The following TEX2 variants were observed in gnomAD, a reference collection of about 807,000 sequenced individuals.
The protein encoded by TEX2 is testis expressed 2.
Under a neutral mutation model 106.9 loss-of-function variants are expected in TEX2, and 53 were observed. The ratio of observed to expected loss-of-function variants is 0.50; its 90% confidence interval spans 0.40 to 0.62. TEX2 has a LOEUF of 0.62. Ranked by LOEUF, TEX2 falls within the 20% of genes least tolerant of loss-of-function variation. TEX2 has a pLI of 0.00. For synonymous variants in TEX2, 523 were observed against 534.8 expected, an observed-to-expected ratio of 0.98 and a Z score of 0.30; for missense variants, 1,207 against 1,379.0, an observed-to-expected ratio of 0.88 and a Z score of 1.98.
rs1390149786 is a variant in TEX2 at position 64,205,218 on chromosome 17, G to A, written c.1644+7356C>T. On this transcript the variant is annotated intron_variant, in intron 2 of 11. Transcript: ENST00000584379. The surrounding 1 kb of genome is among the most constrained non-coding windows in gnomAD (Gnocchi z 4.0). Reference sequence around the variant, plus strand: ...TGTAATCCCAGCAACTCTGGAGGCTGAGGCAGGAGAATTGCCTGAACCCGG... The same window carrying A: ...TGTAATCCCAGCAACTCTGGAGGCTAAGGCAGGAGAATTGCCTGAACCCGG... Among the ~76,000 whole-genome samples, 4 of 152,166 alleles carry A rather than the reference G, an allele frequency of 2.6e-5. No homozygotes were observed. The highest frequency in any genetic ancestry group is 9.7e-5 in the African/African-American group (4 of 41,428).
intron 1 of TEX2, among the ~76,000 whole-genome samples, chr17:64,247,193 C>T (rs2034004514): frequency 6.6e-6 from 1 of 151,066 alleles, no homozygotes; most frequent in Admixed American, 6.6e-5. Context: ...CGCTTAAACC[C>T]AGGAGGTGGA....
rs1420918296 is a variant in TEX2 at position 64,147,527 on chromosome 17, C to G, written c.*1442G>C. On this transcript the variant is annotated 3_prime_UTR_variant, in exon 12 of 12. Transcript: ENST00000584379. ...TTGATTAAGTGCAACATGGTACAGT[C>G]ATGTGTAATCTCTTTACACGATAGT... 6.6e-6 allele frequency: 1 copy of G among 152,358 alleles called. No individual in the cohort carries two copies. Among genetic ancestry groups the G allele is most frequent in the Non-Finnish European group, 1.5e-5 (1 of 68,030 alleles). The allele number at this position is 152,358 out of a possible 1,614,324, so 9.4% of individuals were successfully genotyped here.
At chr17:64,235,346 A>G (rs1260711841) in intron 1 of TEX2, among the ~76,000 whole-genome samples, 1 of 152,188 alleles carries the variant, frequency 6.6e-6, no homozygotes, top group African/African-American at 2.4e-5. Context: ...CCGTTGACAA[A>G]CCAATCTGGA....
At chr17:64,234,179 C>G (rs531101315) in intron 1 of TEX2, among the ~76,000 whole-genome samples, 1 of 152,364 alleles carries the variant, frequency 6.6e-6, no homozygotes, top group Admixed American at 6.5e-5. Flanking sequence ...AGGAGCATTT[C>G]ATAACCAGAA....
intron 1 of TEX2, among the ~76,000 whole-genome samples, chr17:64,220,257 A>G (rs1555633138): frequency 6.6e-6 from 1 of 152,248 alleles, no homozygotes; most frequent in Admixed American, 6.5e-5. Flanking sequence ...AAAACCCTAG[A>G]AGAAAATCTA....
intron 1 of TEX2, chr17:64,255,747 G>A (rs1302200748): frequency 6.6e-6 from 1 of 152,170 alleles, no homozygotes; most frequent in Non-Finnish European, 1.5e-5. Flanking sequence ...TGGTCCTGAG[G>A]CGTGGTTGTT....
At chr17:64,180,739 A>G (rs2031821030) in intron 5 of TEX2, among the ~76,000 whole-genome samples, 1 of 152,234 alleles carries the variant, frequency 6.6e-6, no homozygotes, top group Non-Finnish European at 1.5e-5. Flanking sequence ...AGAAAATTCA[A>G]TGGTTTGAAG....
chr17:64,151,571 T>C (rs1467068717), intron 10 of TEX2, among the ~76,000 whole-genome samples: 1 of 152,248 alleles, frequency 6.6e-6, no homozygotes, highest in East Asian at 1.9e-4. Context: ...CTGTATGCTA[T>C]CAACTATCTA....
chr17:64,212,179 C>T (rs2033021297), intron 2 of TEX2, among the ~76,000 whole-genome samples: 1 of 152,204 alleles, frequency 6.6e-6, no homozygotes, highest in African/African-American at 2.4e-5. Context: ...GCCTTCTCTT[C>T]TTCCTTCCCT....
intron 1 of TEX2, among the ~76,000 whole-genome samples, chr17:64,259,123 A>G (rs1403274752): frequency 6.6e-6 from 1 of 152,142 alleles, no homozygotes; most frequent in Non-Finnish European, 1.5e-5. Flanking sequence ...GCCCAGTGCA[A>G]TTTTGGGTGA....
intron 1 of TEX2, among the ~76,000 whole-genome samples, chr17:64,262,911 G>A (rs556012743): frequency 1.3e-5 from 2 of 152,286 alleles, no homozygotes; most frequent in South Asian, 4.1e-4. Flanking sequence ...GACGGGGCCG[G>A]CAGCTCCTCC....
intron 2 of TEX2, among the ~76,000 whole-genome samples, chr17:64,209,847 T>C (rs1263343275): frequency 3.9e-5 from 6 of 152,348 alleles, no homozygotes; most frequent in East Asian, 1.9e-4. Flanking sequence ...GCCTTTATTC[T>C]TCCAGTGATC....
At chr17:64,241,693 G>A (rs1555635798) in intron 1 of TEX2, among the ~76,000 whole-genome samples, 3 of 151,906 alleles carry the variant, frequency 2.0e-5, no homozygotes, top group Non-Finnish European at 2.9e-5. Context: ...GAGTGCACTC[G>A]TGCGATCATA....
chr17:64,154,766 G>T, intron 9 of TEX2, 76 bp downstream of exon 9: 2 of 1,417,674 alleles, frequency 1.4e-6, no homozygotes, highest in Non-Finnish European at 9.3e-7. Context: ...GAGGAAGGAA[G>T]GGAAACAAGG....
rs1216355576 is a variant in TEX2 at position 64,177,470 on chromosome 17, A to C, written c.2426T>G (p.Leu809Trp). The change falls in exon 6 of 12, where the codon TTG (leucine) becomes TGG (tryptophan). Residue 809 changes from leucine (L) to tryptophan (W), a missense_variant and splice_region_variant. By Grantham distance (61) the Leu-to-Trp change is moderately conservative. Coordinates refer to ENST00000584379, the MANE Select transcript of TEX2 (RefSeq NM_001288732.2). ...CTCCTCAGAGGGTGGAACCTCTGGCAACTGGCAAAAGAAAAGGGACCAAAA... is the reference window on the plus strand; with the variant it reads ...CTCCTCAGAGGGTGGAACCTCTGGCCACTGGCAAAAGAAAAGGGACCAAAA... The part of the protein sequence containing the change: ...AESSPTAGKK[L>W]PEVPPSEEEE... 1 of 1,611,692 alleles carries C rather than the reference A, an allele frequency of 6.2e-7. No homozygotes were observed.
In TEX2 at chr17:64,177,343, C is replaced by A; in HGVS notation, c.2553G>T (p.Met851Ile). 6.2e-7 allele frequency: 1 copy of A among 1,614,154 alleles called. No individual in the cohort carries two copies. Among genetic ancestry groups the A allele is most frequent in the Non-Finnish European group, 8.5e-7 (1 of 1,180,020 alleles). ...WSDLVSKKIQMKLSKIKLPYF... is the reference protein window; with the variant it reads ...WSDLVSKKIQIKLSKIKLPYF... ...GTGATACCTTTATTTTGCTGAGTTT[C>A]ATTTGGATCTTCTTAGACACCAGAT... The change falls in exon 6 of 12, where the codon ATG becomes ATT. Residue 851 changes from methionine to isoleucine, a missense_variant. Met to Ile is a conservative substitution (Grantham distance 10). This residue lies in a region of TEX2 where 1,067 missense variants were observed against 1,193.6 expected (regional missense o/e 0.89). Transcript: ENST00000584379.
Position 64,195,037 on chromosome 17 carries a change from T to C in TEX2, c.1703A>G (p.His568Arg). ...DPETYHATLT[H>R]SVFVRLEGGT... ...ACCCTCAAGTCGAACAAAGACTGAA[T>C]GTGTCAAAGTCGCATGGTAGGTTTC... is the stretch of plus-strand genomic sequence containing the variant. The change falls in exon 3 of 12, where the codon CAT (histidine) becomes CGT (arginine). Residue 568 changes from histidine (H) to arginine (R), a missense_variant. Around this residue, in one of 3 missense-constraint regions of TEX2, gnomAD observed 1,067 missense variants for 1,193.6 expected, o/e 0.89. Transcript: ENST00000584379. This position sits in a 1 kb window ranked among gnomAD's most constrained non-coding sequence, Gnocchi z 4.1. 1.2e-6 allele frequency: 2 copies of C among 1,614,188 alleles called. No homozygotes were observed. The highest frequency in any genetic ancestry group is 1.6e-4 in the Middle Eastern group (1 of 6,062).
At chr17:64,259,028 A>G (rs1480358073) in intron 1 of TEX2, among the ~76,000 whole-genome samples, 1 of 152,178 alleles carries the variant, frequency 6.6e-6, no homozygotes, top group East Asian at 1.9e-4. Flanking sequence ...GATTACAGGC[A>G]TGAGCCACCG....
At chr17:64,174,963 C>A (rs929065780) in intron 6 of TEX2, among the ~76,000 whole-genome samples, 2 of 152,228 alleles carry the variant, frequency 1.3e-5, no homozygotes, top group African/African-American at 4.8e-5. Context: ...GCAAAGAGTT[C>A]TCCATATGTC....
Sources: gnomAD v4.1 joint callset for allele counts (sites outside exome capture counted in the v4.1 genomes callset) on GRCh38, gnomAD v4.1.1 for gene constraint, gnomAD v4.1.1 regional missense constraint, Gnocchi (gnomAD v3.1) non-coding constraint, MANE v1.5 for transcripts, NCBI Gene and HGNC (gene_info 2026-07-23, HGNC 2026-07-21) for gene names.